ANO1: variants seen among roughly 807,000 people sequenced by gnomAD.
The protein encoded by ANO1 is anoctamin 1, also known as anoctamin-1.
ANO1 carries 59 observed loss-of-function variants against 124.0 expected under a neutral mutation model. The ratio of observed to expected loss-of-function variants is 0.48; its 90% CI spans 0.39 to 0.59. The LOEUF (loss-of-function observed/expected upper bound fraction) is 0.59, where lower values mean the gene tolerates loss of function less well. ANO1 is among the 20% of genes least tolerant of loss of function. ANO1 has a pLI of 0.00. For missense variants in ANO1, 1,059 were observed against 1,328.0 expected (o/e 0.80, Z 3.15); for synonymous variants, 529 against 532.0 (o/e 0.99, Z 0.08).
intron 1 of ANO1, among the ~76,000 whole-genome samples, chr11:70,052,531 C>CTTTTTTTTTTTTTTTTTTTTTTTTTTTTT (rs200770702): frequency 4.6e-5 from 3 of 65,920 alleles, no homozygotes; most frequent in South Asian, 3.8e-4. Flanking sequence ...TTTTTCTTTT[C>CTTTTTTTTTTTTTTTTTTTTTTTTTTTTT]TTTTTTTTTT....
chr11:69,996,739 A>G (rs983499742), intron 1 of ANO1, among the ~76,000 whole-genome samples: 1 of 152,178 alleles, frequency 6.6e-6, no homozygotes, highest in Non-Finnish European at 1.5e-5. Flanking sequence ...CTCCCCAAAT[A>G]CCAAGTCAGA....
intron 1 of ANO1, among the ~76,000 whole-genome samples, chr11:70,048,151 C>T (rs1331916727): frequency 6.6e-6 from 1 of 152,178 alleles, no homozygotes; most frequent in East Asian, 1.9e-4. Context: ...AATATTAAGG[C>T]TTAATTCCAT....
At chr11:69,996,095 C>A (rs1856266471) in intron 1 of ANO1, among the ~76,000 whole-genome samples, 1 of 152,076 alleles carries the variant, frequency 6.6e-6, no homozygotes, top group Non-Finnish European at 1.5e-5. Flanking sequence ...TGGGCGACAG[C>A]AAGACTTTGT....
chr11:70,048,038 A>C (rs1357195256), intron 1 of ANO1, among the ~76,000 whole-genome samples: 1 of 152,250 alleles, frequency 6.6e-6, no homozygotes, highest in Non-Finnish European at 1.5e-5. Flanking sequence ...TAGGTGTCCA[A>C]ATTTAAAATA....
At chr11:70,177,578 C>CTTTTCTTTTTT (rs1205720689) in intron 22 of ANO1, among the ~76,000 whole-genome samples, 1,393 of 131,556 alleles carry the variant, frequency 0.011, 27 homozygotes, top group Non-Finnish European at 0.013. Context: ...CTCGATTTTT[C>CTTTTCTTTTTT]TTTTCTTTTT....
chr11:70,026,768 T>C (rs1856914902), intron 1 of ANO1, among the ~76,000 whole-genome samples: 1 of 152,172 alleles, frequency 6.6e-6, no homozygotes, highest in African/African-American at 2.4e-5. Flanking sequence ...CTGCGGATCC[T>C]GCACCTCCCC....
chr11:70,002,146 G>A (rs1423445178), intron 1 of ANO1, among the ~76,000 whole-genome samples: 1 of 152,028 alleles, frequency 6.6e-6, no homozygotes, highest in Non-Finnish European at 1.5e-5. Flanking sequence ...CCTTTTCTAT[G>A]TGTAGATATA....
chr11:69,972,468 G>A, the ANO1 span, among the ~76,000 whole-genome samples: 1 of 152,118 alleles, frequency 6.6e-6, no homozygotes, highest in South Asian at 2.1e-4. Context: ...CTCGTTTCCT[G>A]GGAGGGGTGT....
chr11:70,152,041 A>G (rs1026357839), intron 12 of ANO1, among the ~76,000 whole-genome samples: 3 of 152,162 alleles, frequency 2.0e-5, no homozygotes, highest in African/African-American at 4.8e-5. Flanking sequence ...AATTCTTAAG[A>G]AAGTTGTCTT....
At chr11:69,970,296 C>T in the ANO1 span, among the ~76,000 whole-genome samples, 1 of 152,176 alleles carries the variant, frequency 6.6e-6, no homozygotes, top group Admixed American at 6.5e-5. Context: ...CACTGTGCTT[C>T]GGTCCCAGCC....
rs780288942 is a variant in ANO1, at chr11:70,161,749, G to A, written c.1892+16G>A. The stretch of plus-strand genomic sequence containing the variant: ...TCAAAGGCCGGTAGGGACATCTTCA[G>A]CCTTTCCCCAACCTCGCTTCTCCCA... On this transcript the variant is annotated intron_variant, in intron 18 of 25. Transcript: ENST00000355303. 3 of 1,612,192 alleles carry A rather than the reference G, an allele frequency of 1.9e-6. No homozygotes were observed. The highest frequency in any genetic ancestry group is 2.2e-5 in the South Asian group (2 of 91,056).
intron 16 of ANO1, among the ~76,000 whole-genome samples, chr11:70,157,912 C>G (rs2047881291): frequency 7.1e-6 from 1 of 140,738 alleles, no homozygotes; most frequent in African/African-American, 2.7e-5. Flanking sequence ...ACTGAGAAGT[C>G]GAGGCTGCAG....
chr11:70,014,100 T>C lies in ANO1; in HGVS notation c.58+27934T>C, dbSNP rs540908740. Among the ~76,000 whole-genome samples the C allele has an allele frequency of 8.9e-4, 136 of 152,276 alleles. 1 individual carries two copies. The highest frequency in any genetic ancestry group is 3.2e-3 in the African/African-American group (132 of 41,552). On this transcript the variant is annotated intron_variant, in intron 1 of 27. Transcript: ENST00000531349. ...CCATGGGGCCGTAGTTTAACCTCAG[T>C]TTCCCCCTTAAAGGCCCTTTCTCCA...
At chr11:70,099,560 G>A (rs2045174776) in intron 2 of ANO1, among the ~76,000 whole-genome samples, 1 of 152,164 alleles carries the variant, frequency 6.6e-6, no homozygotes, top group Non-Finnish European at 1.5e-5. Context: ...CTTTTCTCCT[G>A]ACTCAGAGGT....
At chr11:70,124,948 A>G (rs778202814) in intron 9 of ANO1, among the ~76,000 whole-genome samples, 10 of 152,208 alleles carry the variant, frequency 6.6e-5, no homozygotes, top group South Asian at 2.1e-4. Context: ...CTTATGCTGA[A>G]CAGGGCTTGG....
the ANO1 span, among the ~76,000 whole-genome samples, chr11:69,977,286 C>G: frequency 6.6e-6 from 1 of 152,224 alleles, no homozygotes; most frequent in African/African-American, 2.4e-5. Context: ...GTGGTCCCAG[C>G]CACCACACTC....
At chr11:70,034,014 G>C (rs1395417359) in intron 1 of ANO1, among the ~76,000 whole-genome samples, 2 of 152,004 alleles carry the variant, frequency 1.3e-5, no homozygotes, top group African/African-American at 2.4e-5. Context: ...TGAGTTCCTT[G>C]AGGGCAAGCA....
intron 1 of ANO1, among the ~76,000 whole-genome samples, chr11:70,000,990 G>A (rs1214826430): frequency 6.6e-6 from 1 of 151,740 alleles, no homozygotes; most frequent in Non-Finnish European, 1.5e-5. Flanking sequence ...TGTGGAGACT[G>A]ATATTCTGGA....
chr11:70,030,302 G>A (rs1856978964), intron 1 of ANO1, among the ~76,000 whole-genome samples: 1 of 152,222 alleles, frequency 6.6e-6, no homozygotes, highest in Admixed American at 6.5e-5. Context: ...CGGGGATGAG[G>A]ACTGGGCAAA....
Sources: allele counts gnomAD v4.1 joint callset (sites outside exome capture counted in the v4.1 genomes callset), GRCh38; gene constraint gnomAD v4.1.1; transcripts MANE v1.5; gene names NCBI Gene and HGNC (gene_info 2026-07-23, HGNC 2026-07-21).